The following ARL6IP6 variants were observed in gnomAD, a reference collection of about 807,000 sequenced individuals.
ARL6IP6 encodes ADP-ribosylation factor-like protein 6-interacting protein 6.
Under a neutral mutation model 21.5 loss-of-function variants are expected in ARL6IP6, and 22 were observed. The ratio of observed to expected loss-of-function variants is 1.02; its 90% CI spans 0.73 to 1.46. ARL6IP6 has a LOEUF of 1.46. Ranked by LOEUF, ARL6IP6 falls within the 40% of genes most tolerant of loss-of-function variation. The pLI, the probability that ARL6IP6 is intolerant of heterozygous loss-of-function variation, is 0.00. For missense variants in ARL6IP6, 388 were observed against 299.8 expected, an observed-to-expected ratio of 1.29 and a Z score of -2.17; for synonymous variants, 164 against 125.3, an observed-to-expected ratio of 1.31 and a Z score of -2.06.
chr2:152,731,838 G>A (rs1700329518), intron 2 of ARL6IP6, among the ~76,000 whole-genome samples: 1 of 152,004 alleles, frequency 6.6e-6, no homozygotes, highest in Non-Finnish European at 1.5e-5. Context: ...TACAACATAT[G>A]TATATATGTA....
intron 3 of ARL6IP6, 24 bp downstream of exon 3, chr2:152,735,150 C>T: frequency 6.2e-7 from 1 of 1,611,106 alleles, no homozygotes; most frequent in South Asian, 1.1e-5. Flanking sequence ...TTTCCTGTTT[C>T]TTTTTTAAAT....
In ARL6IP6 at chr2:152,724,560, C is replaced by T. The variant is rs1476358410; in HGVS notation, c.454+3974C>T. Among the ~76,000 whole-genome samples, 4 of 152,208 alleles carry T rather than the reference C, an allele frequency of 2.6e-5. No individual in the cohort carries two copies. The South Asian group carries it at 6.2e-4, about 24-fold the overall frequency. On this transcript the variant is annotated intron_variant, in intron 2 of 3. Transcript: ENST00000326446. ...TTAGTCATGAAATTATTACAGGACT[C>T]TTCTTAACACATAAAAGCAGTAATA...
chr2:152,738,937 A>T (rs1700676549), intron 3 of ARL6IP6, among the ~76,000 whole-genome samples: 1 of 151,420 alleles, frequency 6.6e-6, no homozygotes, highest in African/African-American at 2.4e-5. Flanking sequence ...CCTTTTAAAC[A>T]TAAGTTCCAA....
At position 152,739,620 on chromosome 2, in the gene ARL6IP6, A is replaced by T. The variant is rs1027805357; in HGVS notation, c.587+4494A>T. ...TTCCTGTCTTCTTCTGCACCCTCCA[A>T]ACTATTTCAACCTCTCCCTGTTACC... On this transcript the variant is annotated intron_variant, in intron 3 of 3. Transcript: ENST00000326446. Among the ~76,000 whole-genome samples, 3 of 151,912 alleles carry T rather than the reference A, an allele frequency of 2.0e-5. No individual in the cohort carries two copies. In the East Asian group the frequency reaches 5.8e-4, roughly 29 times the overall value.
chr2:152,752,967 T>G (rs1701407214), intron 3 of ARL6IP6, among the ~76,000 whole-genome samples: 1 of 151,878 alleles, frequency 6.6e-6, no homozygotes, highest in Non-Finnish European at 1.5e-5. Context: ...TTTTAGGAGG[T>G]TAGCACAGAT....
At chr2:152,758,511 AT>A (rs1373920634) in intron 3 of ARL6IP6, among the ~76,000 whole-genome samples, 1 of 152,218 alleles carries the variant, frequency 6.6e-6, no homozygotes, top group Admixed American at 6.5e-5. Context: ...GGGACAAAGC[AT>A]TATACCTATT....
At chr2:152,755,795 A>C (rs1034529191) in intron 3 of ARL6IP6, among the ~76,000 whole-genome samples, 1 of 152,132 alleles carries the variant, frequency 6.6e-6, no homozygotes, top group Non-Finnish European at 1.5e-5. Context: ...CTTTTCTTTT[A>C]TCTCTTTGTC....
intron 3 of ARL6IP6, among the ~76,000 whole-genome samples, chr2:152,740,527 TATAAA>T: frequency 6.6e-6 from 1 of 150,910 alleles, no homozygotes; most frequent in Non-Finnish European, 1.5e-5. Flanking sequence ...GAATACAAAA[TATAAA>T]ATATAAAATA....
At chr2:152,732,906 A>T (rs1700386878) in intron 2 of ARL6IP6, among the ~76,000 whole-genome samples, 1 of 151,658 alleles carries the variant, frequency 6.6e-6, no homozygotes, top group African/African-American at 2.4e-5. Flanking sequence ...TTTTTTTCCA[A>T]ATATTTTTCA....
chr2:152,752,861 CT>C (rs1464669958), intron 3 of ARL6IP6, among the ~76,000 whole-genome samples: 1 of 152,128 alleles, frequency 6.6e-6, no homozygotes, highest in African/African-American at 2.4e-5. Flanking sequence ...CCTTAATTGG[CT>C]TTAGGTTCCC....
In ARL6IP6 at chr2:152,759,857, T is replaced by C. The variant is rs1701754063; in HGVS notation, c.*17T>C. The C allele has an allele frequency of 1.9e-6, 3 of 1,590,676 alleles. No homozygotes were observed. Among genetic ancestry groups the C allele is most frequent in the Non-Finnish European group, 2.6e-6 (3 of 1,159,236 alleles). Reference sequence around the variant, plus strand: ...CTCATGTAAACCCACACTGGAGCGATATTGTTGGCAAAACTTAATCATGAT... The same window carrying C: ...CTCATGTAAACCCACACTGGAGCGACATTGTTGGCAAAACTTAATCATGAT... On this transcript the variant is annotated 3_prime_UTR_variant, in exon 4 of 4. Coordinates refer to ENST00000326446, the MANE Select transcript of ARL6IP6 (RefSeq NM_152522.7).
intron 3 of ARL6IP6, among the ~76,000 whole-genome samples, chr2:152,756,678 A>T (rs1394991467): frequency 6.6e-6 from 1 of 152,248 alleles, no homozygotes; most frequent in Non-Finnish European, 1.5e-5. Context: ...CTGAATGGTC[A>T]GTAAGTACAT....
intron 3 of ARL6IP6, among the ~76,000 whole-genome samples, chr2:152,739,904 G>A (rs976723765): frequency 3.9e-5 from 6 of 152,100 alleles, no homozygotes; most frequent in Non-Finnish European, 5.9e-5. Context: ...CAGAGGAACT[G>A]CCCTTTATAA....
chr2:152,729,374 G>A (rs561638018), intron 2 of ARL6IP6, among the ~76,000 whole-genome samples: 63 of 149,648 alleles, frequency 4.2e-4, no homozygotes, highest in African/African-American at 1.4e-3. Flanking sequence ...ACACATATAT[G>A]CACACACATC....
chr2:152,744,127 C>T (rs1700938999), intron 3 of ARL6IP6, among the ~76,000 whole-genome samples: 1 of 152,042 alleles, frequency 6.6e-6, no homozygotes, highest in Non-Finnish European at 1.5e-5. Flanking sequence ...TATGTTTATG[C>T]TAAAAATATT....
At chr2:152,733,136 A>G (rs1442423442) in intron 2 of ARL6IP6, among the ~76,000 whole-genome samples, 2 of 152,182 alleles carry the variant, frequency 1.3e-5, no homozygotes, top group Non-Finnish European at 2.9e-5. Flanking sequence ...TTAGTCTGGT[A>G]TAGGGTATCT....
Position 152,760,231 on chromosome 2 carries a change from T to A in ARL6IP6, c.*391T>A, listed in dbSNP as rs1377360143. 3 of 154,640 alleles carry A rather than the reference T, an allele frequency of 1.9e-5. No homozygotes were observed. The highest frequency in any genetic ancestry group is 4.3e-5 in the Non-Finnish European group (3 of 69,384). The allele number at this position is 154,640 out of a possible 1,614,324, so 9.6% of individuals were successfully genotyped here. ...ATTTTTTGCTAAGAAATACTGATATTTCTGTTTAGTTGAGCTAGAAATACT... is the reference window on the plus strand; with the variant it reads ...ATTTTTTGCTAAGAAATACTGATATATCTGTTTAGTTGAGCTAGAAATACT... On this transcript the variant is annotated 3_prime_UTR_variant, in exon 4 of 4. Transcript: ENST00000326446.
intron 2 of ARL6IP6, among the ~76,000 whole-genome samples, chr2:152,723,000 G>A (rs948159011): frequency 6.6e-6 from 1 of 152,138 alleles, no homozygotes; most frequent in African/African-American, 2.4e-5. Context: ...ATACAAGTTA[G>A]CCTATTTACA....
chr2:152,730,267 C>G (rs929854473), intron 2 of ARL6IP6, among the ~76,000 whole-genome samples: 2 of 152,132 alleles, frequency 1.3e-5, no homozygotes, highest in African/African-American at 4.8e-5. Context: ...TGAAAAAGTT[C>G]AACAGGCTTT....
Sources: gnomAD v4.1 joint callset for allele counts (sites outside exome capture counted in the v4.1 genomes callset) on GRCh38, gnomAD v4.1.1 for gene constraint, MANE v1.5 for transcripts, NCBI Gene and HGNC (gene_info 2026-07-23, HGNC 2026-07-21) for gene names.